The following TSHZ3 variants were observed in gnomAD, a reference collection of about 807,000 sequenced individuals.
TSHZ3 encodes teashirt homolog 3.
TSHZ3 carries 10 observed loss-of-function variants against 64.5 expected under a neutral mutation model. The ratio of observed to expected loss-of-function variants is 0.16; its 90% CI spans 0.10 to 0.26. TSHZ3 has a LOEUF of 0.26. Ranked by LOEUF, TSHZ3 falls within the 10% of genes least tolerant of loss-of-function variation. The pLI, the probability that TSHZ3 is intolerant of heterozygous loss-of-function variation, is 1.00. For missense variants in TSHZ3, 1,242 were observed against 1,421.7 expected (o/e 0.87, Z 2.03); for synonymous variants, 608 against 593.1 (o/e 1.03, Z -0.36).
intron 4 of TSHZ3, among the ~76,000 whole-genome samples, chr19:31,214,882 T>G (rs1975306460): frequency 7.8e-6 from 1 of 128,890 alleles, no homozygotes; most frequent in Admixed American, 9.6e-5. Flanking sequence ...CACTCCAGTC[T>G]GGGCGACAGA....
intron 1 of TSHZ3, among the ~76,000 whole-genome samples, chr19:31,283,438 A>G (rs776230265): frequency 6.6e-6 from 1 of 152,226 alleles, no homozygotes; most frequent in Non-Finnish European, 1.5e-5. Flanking sequence ...CTGAACTTTA[A>G]AAATGTTCTA....
At chr19:31,165,698 G>A (rs1410446571) in intron 5 of TSHZ3, among the ~76,000 whole-genome samples, 8 of 152,152 alleles carry the variant, frequency 5.3e-5, no homozygotes, top group Non-Finnish European at 1.0e-4. Flanking sequence ...GGGTATTTGT[G>A]TGTGTCCCCG....
At chr19:31,173,480 T>C (rs1205231580) in intron 5 of TSHZ3, among the ~76,000 whole-genome samples, 2 of 152,232 alleles carry the variant, frequency 1.3e-5, no homozygotes, top group Non-Finnish European at 2.9e-5. Flanking sequence ...GAATATGTCA[T>C]CTATGCCTCA....
intron 5 of TSHZ3, among the ~76,000 whole-genome samples, chr19:31,192,177 A>G (rs1974920007): frequency 6.6e-6 from 1 of 152,238 alleles, no homozygotes; most frequent in South Asian, 2.1e-4. Flanking sequence ...GGAAGAAACA[A>G]GATGAATATT....
chr19:31,270,874 T>C (rs1976125351), downstream of TSHZ3, among the ~76,000 whole-genome samples: 1 of 152,236 alleles, frequency 6.6e-6, no homozygotes, highest in African/African-American at 2.4e-5. Flanking sequence ...ACCTTAATCA[T>C]CAGGAATGAT....
chr19:31,193,510 T>C (rs899656633), intron 5 of TSHZ3, among the ~76,000 whole-genome samples: 1 of 152,186 alleles, frequency 6.6e-6, no homozygotes, highest in Non-Finnish European at 1.5e-5. Context: ...CCATGAATTA[T>C]GCTGGGTAGA....
chr19:31,264,752 T>G (rs1195297691), intron 1 of TSHZ3, among the ~76,000 whole-genome samples: 1 of 150,588 alleles, frequency 6.6e-6, no homozygotes, highest in Admixed American at 6.7e-5. Context: ...GCCAAACAAA[T>G]CGGCAGGTCA....
At chr19:31,164,103 C>G (rs181878995) in intron 5 of TSHZ3, among the ~76,000 whole-genome samples, 39 of 152,216 alleles carry the variant, frequency 2.6e-4, no homozygotes, top group African/African-American at 9.1e-4. Flanking sequence ...ACCCCGACAC[C>G]TTTTTGGTGG....
At chr19:31,238,576 A>G (rs1011530670) in intron 3 of TSHZ3, among the ~76,000 whole-genome samples, 10 of 152,128 alleles carry the variant, frequency 6.6e-5, no homozygotes, top group Non-Finnish European at 1.3e-4. Context: ...ATGCCCTATG[A>G]TAAACGGTAT....
chr19:31,176,977 C>A (rs1170339418), intron 5 of TSHZ3, among the ~76,000 whole-genome samples: 1 of 152,280 alleles, frequency 6.6e-6, no homozygotes, highest in Non-Finnish European at 1.5e-5. Context: ...CTGGCAGTAT[C>A]TACCATGTGT....
In TSHZ3 at chr19:31,280,717, C is replaced by T. The variant is rs185374659; in HGVS notation, c.41-965G>A. Reference sequence around the variant, plus strand: ...AACAGAGATCCTGTCTTTCTGGAAGCGATGTAACTGGGATGTAAATCCAGC... The same window carrying T: ...AACAGAGATCCTGTCTTTCTGGAAGTGATGTAACTGGGATGTAAATCCAGC... On this transcript the variant is annotated intron_variant, in intron 1 of 1. Coordinates refer to ENST00000240587, the MANE Select transcript of TSHZ3 (RefSeq NM_020856.4). Among the ~76,000 whole-genome samples, 51 of 152,318 alleles carry T rather than the reference C, an allele frequency of 3.3e-4. 1 individual carries two copies. The highest frequency in any genetic ancestry group is 3.1e-3 in the Admixed American group (47 of 15,300).
intron 1 of TSHZ3, among the ~76,000 whole-genome samples, chr19:31,309,112 C>T (rs1486345333): frequency 1.3e-5 from 2 of 152,238 alleles, no homozygotes; most frequent in African/African-American, 4.8e-5. Flanking sequence ...TGTGAAGATG[C>T]ACACCGTGGT....
At chr19:31,255,432 G>T (rs912448420) in intron 1 of TSHZ3, among the ~76,000 whole-genome samples, 4 of 152,086 alleles carry the variant, frequency 2.6e-5, no homozygotes, top group Non-Finnish European at 2.9e-5. Flanking sequence ...CGTCACTAAA[G>T]GCCTGGGGGA....
chr19:31,227,082 G>T (rs186867947), intron 4 of TSHZ3, among the ~76,000 whole-genome samples: 1 of 146,058 alleles, frequency 6.8e-6, no homozygotes, highest in Non-Finnish European at 1.5e-5. Context: ...AGGTTCAAGC[G>T]ATTCTTGTGC....
At chr19:31,223,627 T>C (rs747934853) in intron 4 of TSHZ3, among the ~76,000 whole-genome samples, 6 of 152,176 alleles carry the variant, frequency 3.9e-5, no homozygotes, top group Non-Finnish European at 7.3e-5. Context: ...AAAGCAAATA[T>C]TATACTCTTT....
At chr19:31,246,924 C>T (rs1975764415) in intron 1 of TSHZ3, among the ~76,000 whole-genome samples, 1 of 152,002 alleles carries the variant, frequency 6.6e-6, no homozygotes, top group Non-Finnish European at 1.5e-5. Flanking sequence ...TTTGCAGAGA[C>T]TCCCACTGGC....
chr19:31,271,038 T>C (rs1976128599), downstream of TSHZ3, among the ~76,000 whole-genome samples: 1 of 152,170 alleles, frequency 6.6e-6, no homozygotes, highest in Non-Finnish European at 1.5e-5. Context: ...CCAGAAGCCG[T>C]GGACTTATCT....
chr19:31,256,699 A>G (rs1236091578), intron 1 of TSHZ3, among the ~76,000 whole-genome samples: 1 of 152,180 alleles, frequency 6.6e-6, no homozygotes, highest in African/African-American at 2.4e-5. Flanking sequence ...CATTCAGAGG[A>G]AGTGACGGCT....
intron 4 of TSHZ3, among the ~76,000 whole-genome samples, chr19:31,212,619 A>G (rs1975273461): frequency 6.6e-6 from 1 of 152,168 alleles, no homozygotes; most frequent in Non-Finnish European, 1.5e-5. Flanking sequence ...AGTACTGGGG[A>G]ACTCTGTTAC....
Sources: allele counts gnomAD v4.1 joint callset (sites outside exome capture counted in the v4.1 genomes callset), GRCh38; gene constraint gnomAD v4.1.1; transcripts MANE v1.5; gene names NCBI Gene and HGNC (gene_info 2026-07-23, HGNC 2026-07-21).